The following E2F6 variants were observed in gnomAD, a reference collection of about 807,000 sequenced individuals.
E2F6 encodes E2F transcription factor 6.
E2F6 carries 19 observed loss-of-function variants against 31.5 expected under a neutral mutation model. The ratio of observed to expected loss-of-function variants is 0.60; its 90% CI spans 0.42 to 0.89. E2F6 has a LOEUF of 0.89. Among genes scored for constraint, E2F6 ranks in the 40% least tolerant of loss-of-function variants. The pLI, the probability that E2F6 is intolerant of heterozygous loss-of-function variation, is 0.00. For synonymous variants in E2F6, 121 were observed against 127.7 expected (o/e 0.95, Z 0.36); for missense variants, 269 against 341.6 (o/e 0.79, Z 1.67).
rs1328111297 is a variant in E2F6 at position 11,465,829 on chromosome 2, C to T, written c.51G>A (p.Pro17=). The change falls in exon 1 of 7, where the codon CCG becomes CCA. Residue 17 remains proline (P), a synonymous_variant. Transcript: ENST00000381525. Reference sequence around the variant, plus strand: ...ACCGACGGCGAACCGTCTCCTCCGTCGGGTCCAGGAGGAGACTGGGTAACT... The same window carrying T: ...ACCGACGGCGAACCGTCTCCTCCGTTGGGTCCAGGAGGAGACTGGGTAACT... The part of the protein sequence containing the change: ...ARKLPSLLLD[P]TEETVRRRCR... 4 of 1,594,788 alleles carry T rather than the reference C, an allele frequency of 2.5e-6. No individual in the cohort carries two copies. Among genetic ancestry groups the T allele is most frequent in the Admixed American group, 1.7e-5 (1 of 57,228 alleles).
At chr2:11,457,357 C>T (rs1671471550) in intron 1 of E2F6, 124 bp from the exon 2 acceptor site, 3 of 650,814 alleles carry the variant, frequency 4.6e-6, no homozygotes, top group Admixed American at 2.7e-5. Flanking sequence ...TGGGCAGAGG[C>T]TCACGCCTGT....
intron 4 of E2F6, among the ~76,000 whole-genome samples, chr2:11,451,050 C>A (rs1476171642): frequency 1.3e-5 from 2 of 152,134 alleles, no homozygotes; most frequent in African/African-American, 2.4e-5. Flanking sequence ...TCTGTGGACA[C>A]AAATGGCAGT....
Position 11,465,835 on chromosome 2 carries a change from C to A in E2F6, c.45G>T (p.Leu15=), listed in dbSNP as rs557696088. 16 of 1,592,082 alleles carry A rather than the reference C, an allele frequency of 1.0e-5. No individual in the cohort carries two copies. The highest frequency in any genetic ancestry group is 1.7e-4 in the Middle Eastern group (1 of 6,052). ...RPARKLPSLL[L]DPTEETVRRR... ...GGCGAACCGTCTCCTCCGTCGGGTC[C>A]AGGAGGAGACTGGGTAACTTCCTCG... Residue 15 remains leucine, a synonymous_variant, in exon 1 of 7, where the codon CTG becomes CTT. Transcript: ENST00000381525.
intron 1 of E2F6, among the ~76,000 whole-genome samples, chr2:11,460,599 T>C (rs1156711305): frequency 6.6e-6 from 1 of 152,146 alleles, no homozygotes; most frequent in Non-Finnish European, 1.5e-5. Context: ...CCTAATAAAT[T>C]CCCTCTCATA....
intron 1 of E2F6, among the ~76,000 whole-genome samples, chr2:11,458,584 C>A (rs980289857): frequency 1.3e-5 from 2 of 152,072 alleles, no homozygotes; most frequent in Non-Finnish European, 2.9e-5. Flanking sequence ...CAGACTAGGA[C>A]ATAATTAAGT....
intron 6 of E2F6, 99 bp from the exon 7 acceptor site, chr2:11,446,622 A>C (rs1443867912): frequency 1.9e-5 from 19 of 1,013,252 alleles, no homozygotes; most frequent in Admixed American, 4.3e-5. Context: ...TGACTACTTC[A>C]GAAAACCCTG....
intron 2 of E2F6, among the ~76,000 whole-genome samples, chr2:11,455,900 G>C (rs1671374692): frequency 1.3e-5 from 2 of 152,200 alleles, no homozygotes; most frequent in African/African-American, 2.4e-5. Flanking sequence ...ACTGGGCATA[G>C]GGAACAGGAA....
chr2:11,463,208 G>C (rs1671894018), intron 1 of E2F6, among the ~76,000 whole-genome samples: 1 of 152,120 alleles, frequency 6.6e-6, no homozygotes, highest in African/African-American at 2.4e-5. Context: ...TCCACTTAGA[G>C]ACCAATTTTC....
In E2F6 at chr2:11,446,521, C is replaced by A. The variant is rs2148330716; in HGVS notation, c.802G>T (p.Glu268Ter). The change falls in exon 7 of 7, where the codon GAA becomes TAA. Residue 268 changes from glutamate to a stop codon, truncating the protein, a stop_gained and splice_region_variant. Coordinates refer to ENST00000381525, the MANE Select transcript of E2F6 (RefSeq NM_198256.4). LOFTEE classifies it high-confidence loss of function. ...AATTCTTCACTTTGCTGAGGATTTT[C>A]TTCTGGAAAAGAACACGAGAGAGAA... ...STHPEGPEEE[E>*]NPQQSEELLE... 1 of 1,613,340 alleles carries A rather than the reference C, an allele frequency of 6.2e-7. No individual in the cohort carries two copies. The highest frequency in any genetic ancestry group is 1.3e-5 in the African/African-American group (1 of 75,008).
At chr2:11,456,029 A>G (rs745729410) in intron 2 of E2F6, among the ~76,000 whole-genome samples, 41 of 152,312 alleles carry the variant, frequency 2.7e-4, no homozygotes, top group Non-Finnish European at 5.3e-4. Flanking sequence ...TGGGGATCAC[A>G]GGTGGTGTAG....
At position 11,453,723 on chromosome 2, in the gene E2F6, C is replaced by T. The variant is rs1262086389; in HGVS notation, c.239G>A (p.Arg80Lys). 5 of 1,614,194 alleles carry T rather than the reference C, an allele frequency of 3.1e-6. No individual in the cohort carries two copies. Among genetic ancestry groups the T allele is most frequent in the African/African-American group, 1.3e-5 (1 of 75,044 alleles). The change falls in exon 3 of 7, where the codon AGA becomes AAA. Residue 80 changes from arginine to lysine, a missense_variant. By Grantham distance (26) the Arg-to-Lys change is conservative (BLOSUM62 2). Transcript: ENST00000381525. Reference protein sequence around the residue: ...YLTRKFMDLVRSAPGGILDLN... With the variant: ...YLTRKFMDLVKSAPGGILDLN... ...GTCAAGAATACCCCCGGGAGCAGAT[C>T]TGACAAGATCCATAAATTTTCGAGT...
intron 3 of E2F6, among the ~76,000 whole-genome samples, chr2:11,453,214 C>T (rs547914029): frequency 2.0e-5 from 3 of 151,892 alleles, no homozygotes; most frequent in African/African-American, 4.8e-5. Flanking sequence ...TTAAACACCT[C>T]GCTACGTCAT....
chr2:11,461,764 A>G (rs1671797110), intron 1 of E2F6, among the ~76,000 whole-genome samples: 1 of 152,224 alleles, frequency 6.6e-6, no homozygotes, highest in Non-Finnish European at 1.5e-5. Context: ...CCCAGGGCAC[A>G]CTTAGAAACT....
intron 2 of E2F6, chr2:11,455,209 C>T: frequency 1.4e-6 from 1 of 712,916 alleles, no homozygotes; most frequent in Non-Finnish European, 1.8e-6. Flanking sequence ...AGAAAAAGTT[C>T]TTATGGCTTG....
At position 11,456,600 on chromosome 2, in the gene E2F6, T is replaced by A. The variant is rs186902184; in HGVS notation, c.163+579A>T. Among the ~76,000 whole-genome samples the A allele has an allele frequency of 2.4e-3, 373 of 152,272 alleles. 1 individual carries two copies. The highest frequency in any genetic ancestry group is 8.6e-3 in the African/African-American group (356 of 41,534). ...GAGCTTAATGCAGTGCCAGGCACTGTATGAGCTCAATAAATGTTAGATATT... is the reference window on the plus strand; with the variant it reads ...GAGCTTAATGCAGTGCCAGGCACTGAATGAGCTCAATAAATGTTAGATATT... On this transcript the variant is annotated intron_variant, in intron 2 of 6. Coordinates refer to ENST00000381525, the MANE Select transcript of E2F6 (RefSeq NM_198256.4).
intron 2 of E2F6, among the ~76,000 whole-genome samples, chr2:11,454,221 C>CT (rs1202819430): frequency 6.6e-6 from 1 of 152,138 alleles, no homozygotes; most frequent in Non-Finnish European, 1.5e-5. Context: ...GAATTGGCGG[C>CT]TTTTTTTCCC....
intron 2 of E2F6, among the ~76,000 whole-genome samples, chr2:11,454,989 C>T (rs748928564): frequency 7.2e-5 from 11 of 152,200 alleles, no homozygotes; most frequent in Non-Finnish European, 1.5e-4. Context: ...CCATCTCCAA[C>T]TTTACGATTT....
intron 1 of E2F6, 138 bp downstream of exon 1, chr2:11,465,634 G>A: frequency 2.5e-6 from 2 of 805,800 alleles, no homozygotes; most frequent in Admixed American, 2.4e-5. Context: ...AGCGCAGTTC[G>A]CAGCACGTGA....
chr2:11,451,579 A>G, intron 4 of E2F6, 72 bp downstream of exon 4: 1 of 1,415,468 alleles, frequency 7.1e-7, no homozygotes, highest in South Asian at 1.5e-5. Flanking sequence ...TTAAGTCCCC[A>G]AGCTGACTCT....
Sources: gnomAD v4.1 joint callset for allele counts (sites outside exome capture counted in the v4.1 genomes callset) on GRCh38, gnomAD v4.1.1 for gene constraint, MANE v1.5 for transcripts, NCBI Gene and HGNC (gene_info 2026-07-23, HGNC 2026-07-21) for gene names.